Variants in OOSP1 observed in about 807,000 individuals in gnomAD.
OOSP1 encodes the protein oocyte secreted protein 1, also known as putative oocyte-secreted protein 1 homolog.
Under a neutral mutation model 5.7 loss-of-function variants are expected in OOSP1, and 11 were observed. That is an observed-to-expected ratio of 1.94 (90% CI 1.22 to 3.20). The LOEUF (loss-of-function observed/expected upper bound fraction) is 3.20, where lower values mean the gene tolerates loss of function less well. OOSP1 is among the 30% of genes most tolerant of loss of function. The pLI, the probability that OOSP1 is intolerant of heterozygous loss-of-function variation, is 0.00. For synonymous variants in OOSP1, 44 were observed against 20.0 expected, an observed-to-expected ratio of 2.20 and a Z score of -3.20; for missense variants, 83 against 54.1, an observed-to-expected ratio of 1.53 and a Z score of -1.67.
intron 3 of OOSP1, among the ~76,000 whole-genome samples, chr11:59,946,056 C>G (rs996610646): frequency 6.6e-6 from 1 of 152,058 alleles, no homozygotes; most frequent in Admixed American, 6.5e-5. Context: ...GGTCCATAAC[C>G]CCTGAGCCAT....
At chr11:59,946,826 CTT>C (rs1167179198) in intron 3 of OOSP1, among the ~76,000 whole-genome samples, 68 of 128,962 alleles carry the variant, frequency 5.3e-4, no homozygotes, top group African/African-American at 1.7e-3. Context: ...AAGATTGGGT[CTT>C]TTTTTTTTTT....
chr11:59,955,625 T>C (rs1303955362), intron 4 of OOSP1, among the ~76,000 whole-genome samples: 2 of 152,086 alleles, frequency 1.3e-5, no homozygotes. Context: ...TCATCTATTT[T>C]TTTTTTTTCT....
intron 4 of OOSP1, among the ~76,000 whole-genome samples, chr11:59,954,839 T>A (rs1023261580): frequency 6.6e-6 from 1 of 152,144 alleles, no homozygotes; most frequent in African/African-American, 2.4e-5. Flanking sequence ...TCTATACTTG[T>A]CAAATTCTGA....
intron 4 of OOSP1, chr11:59,948,681 ACTGT>A (rs1488910623): frequency 5.0e-6 from 2 of 397,760 alleles, no homozygotes; most frequent in Admixed American, 8.8e-5. Flanking sequence ...CGTATATTTT[ACTGT>A]CTTTCTTCCA....
At chr11:59,943,213 T>TG (rs1853849292) in intron 2 of OOSP1, among the ~76,000 whole-genome samples, 185 bp downstream of exon 2, 1 of 76,534 alleles carries the variant, frequency 1.3e-5, no homozygotes, top group African/African-American at 5.3e-5. Context: ...TGTTGTGGGG[T>TG]GGGGGGAGGG....
intron 1 of OOSP1, among the ~76,000 whole-genome samples, chr11:59,941,467 C>T (rs1853824359): frequency 6.6e-6 from 1 of 152,024 alleles, no homozygotes; most frequent in African/African-American, 2.4e-5. Flanking sequence ...GCAACCTCTG[C>T]CTCCCAGGTT....
intron 3 of OOSP1, among the ~76,000 whole-genome samples, chr11:59,947,291 T>C (rs1853894451): frequency 6.6e-6 from 1 of 152,032 alleles, no homozygotes; most frequent in African/African-American, 2.4e-5. Flanking sequence ...TCTTCTTCTT[T>C]TTTTTTGATT....
chr11:59,948,591 C>T (rs1853910432), intron 4 of OOSP1: 1 of 393,838 alleles, frequency 2.5e-6, no homozygotes, highest in East Asian at 3.6e-5. Context: ...TACACCTTCT[C>T]CTTCATTTCC....
intron 4 of OOSP1, among the ~76,000 whole-genome samples, chr11:59,955,223 T>C (rs1354949008): frequency 3.3e-5 from 5 of 152,170 alleles, no homozygotes; most frequent in Non-Finnish European, 5.9e-5. Flanking sequence ...TGAATGTGCT[T>C]ATTAAAGCAT....
At chr11:59,950,602 T>C (rs1223177060) in intron 4 of OOSP1, among the ~76,000 whole-genome samples, 1 of 152,152 alleles carries the variant, frequency 6.6e-6, no homozygotes, top group Non-Finnish European at 1.5e-5. Context: ...AGCTGTATCT[T>C]CTGTTGCTGA....
chr11:59,940,842 A>G (rs1410648520), intron 1 of OOSP1, among the ~76,000 whole-genome samples: 1 of 152,204 alleles, frequency 6.6e-6, no homozygotes, highest in African/African-American at 2.4e-5. Context: ...GGAACGTCTT[A>G]TTTTTAGGTA....
At chr11:59,947,161 T>C (rs1489606302) in intron 3 of OOSP1, among the ~76,000 whole-genome samples, 1 of 152,152 alleles carries the variant, frequency 6.6e-6, no homozygotes, top group Non-Finnish European at 1.5e-5. Flanking sequence ...CCATATTACA[T>C]AGAGCTCTTC....
At chr11:59,939,371 C>A (rs1170159003) in intron 1 of OOSP1, among the ~76,000 whole-genome samples, 4 of 151,884 alleles carry the variant, frequency 2.6e-5, no homozygotes, top group Non-Finnish European at 5.9e-5. Context: ...TGTGCCTCAG[C>A]CTCCCAAGTA....
intron 4 of OOSP1, among the ~76,000 whole-genome samples, chr11:59,954,382 T>G (rs952463278): frequency 1.3e-5 from 2 of 152,102 alleles, no homozygotes; most frequent in South Asian, 2.1e-4. Flanking sequence ...TAAATTTTTT[T>G]TTTTACCAAA....
chr11:59,940,146 T>C (rs953778568), intron 1 of OOSP1, among the ~76,000 whole-genome samples: 1 of 152,256 alleles, frequency 6.6e-6, no homozygotes, highest in African/African-American at 2.4e-5. Context: ...CATGGGTACA[T>C]GTTAGAATCT....
chr11:59,951,882 C>T (rs1003770735), intron 4 of OOSP1, among the ~76,000 whole-genome samples: 3 of 148,786 alleles, frequency 2.0e-5, no homozygotes, highest in Admixed American at 6.8e-5. Context: ...CTTCCTAACT[C>T]GTCAGAATGC....
exon 1 of OOSP1, chr11:59,938,434 T>C: frequency 1.9e-6 from 1 of 538,648 alleles, no homozygotes. Flanking sequence ...CTGAGTGAGG[T>C]TTGGTTTTCA....
chr11:59,954,495 A>T (rs1013191050), intron 4 of OOSP1, among the ~76,000 whole-genome samples: 1 of 152,108 alleles, frequency 6.6e-6, no homozygotes. Context: ...GAATATGTTG[A>T]CAGTTCTGCA....
chr11:59,939,729 CTT>C (rs978089255), intron 1 of OOSP1, among the ~76,000 whole-genome samples: 3 of 150,830 alleles, frequency 2.0e-5, no homozygotes, highest in African/African-American at 7.3e-5. Context: ...TCTTTCTCTT[CTT>C]TTTCTCTTTT....
Sources: gnomAD v4.1 joint callset for allele counts (sites outside exome capture counted in the v4.1 genomes callset) on GRCh38, gnomAD v4.1.1 for gene constraint, MANE v1.5 for transcripts, NCBI Gene and HGNC (gene_info 2026-07-23, HGNC 2026-07-21) for gene names.